CLDN18: variants seen among roughly 807,000 people sequenced by gnomAD.
CLDN18 encodes claudin-18.
In CLDN18, 20 loss-of-function variants were observed where a neutral mutation model predicts 25.0. That is an observed-to-expected ratio of 0.80 (90% CI 0.56 to 1.16). The LOEUF is 1.16. CLDN18 is among the 50% of genes most tolerant of loss of function. CLDN18 has a pLI of 0.00. For synonymous variants in CLDN18, 125 were observed against 135.6 expected, an observed-to-expected ratio of 0.92 and a Z score of 0.54; for missense variants, 297 against 345.4, an observed-to-expected ratio of 0.86 and a Z score of 1.11.
intron 1 of CLDN18, among the ~76,000 whole-genome samples, chr3:138,022,719 A>T (rs1942284822): frequency 6.6e-6 from 1 of 152,214 alleles, no homozygotes; most frequent in Admixed American, 6.5e-5. Flanking sequence ...CACATGAAGG[A>T]CTAATTTGTC....
chr3:138,023,835 C>G lies in CLDN18; in HGVS notation c.385+13C>G. 6.3e-7 allele frequency: 1 copy of G among 1,598,078 alleles called. No homozygotes were observed. Among genetic ancestry groups the G allele is most frequent in the South Asian group, 1.1e-5 (1 of 89,868 alleles). On this transcript the variant is annotated intron_variant, in intron 2 of 4. Transcript: ENST00000183605. ...TTCATTGTCTCAGGTAAACACAGAG[C>G]CTGGAGTTCCCACTTCTGCGAATGT... is the stretch of plus-strand genomic sequence containing the variant.
chr3:138,023,584 A>G (rs1018194869), intron 1 of CLDN18, 74 bp from the exon 2 acceptor site: 1 of 1,493,886 alleles, frequency 6.7e-7, no homozygotes, highest in Non-Finnish European at 9.1e-7. Context: ...GCTTTGTTTT[A>G]TTAAACCACA....
chr3:138,016,157 T>TA (rs1942200691), intron 1 of CLDN18, among the ~76,000 whole-genome samples: 1 of 152,240 alleles, frequency 6.6e-6, no homozygotes, highest in Non-Finnish European at 1.5e-5. Context: ...GCTTTAGGTT[T>TA]AAAAAGTTGA....
At chr3:138,009,186 G>A (rs1942101135), upstream of CLDN18, among the ~76,000 whole-genome samples, 2 of 152,174 alleles carry the variant, frequency 1.3e-5, no homozygotes, top group African/African-American at 2.4e-5. Flanking sequence ...TGTTGTGGAT[G>A]AAGAACCTGT....
rs1031270058 is a variant in CLDN18 at position 138,033,323 on chromosome 3, A to G, written c.*2182A>G. ...TAAAGAAAAAAGAAAAGCAAGGAGGAGGGTTGAGCAATCTAGAGCATGGAG... is the reference window on the plus strand; with the variant it reads ...TAAAGAAAAAAGAAAAGCAAGGAGGGGGGTTGAGCAATCTAGAGCATGGAG... On this transcript the variant is annotated 3_prime_UTR_variant, in exon 5 of 5. Transcript: ENST00000183605. 6.6e-6 allele frequency: 1 copy of G among 152,148 alleles called. No individual in the cohort carries two copies. The highest frequency in any genetic ancestry group is 1.5e-5 in the Non-Finnish European group (1 of 68,038). 9.4% of individuals were successfully genotyped at this position (152,148 alleles called of 1,614,324 possible).
chr3:138,010,830 T>G (rs1409095343), intron 1 of CLDN18, among the ~76,000 whole-genome samples: 2 of 152,202 alleles, frequency 1.3e-5, no homozygotes, highest in Non-Finnish European at 2.9e-5. Context: ...TGCTGAGTAT[T>G]TTGTTATATC....
intron 1 of CLDN18, among the ~76,000 whole-genome samples, chr3:138,017,020 C>T (rs1942213980): frequency 6.6e-6 from 1 of 151,394 alleles, no homozygotes; most frequent in Non-Finnish European, 1.5e-5. Context: ...CGCGCCACTG[C>T]ACTCCAGCCT....
intron 1 of CLDN18, among the ~76,000 whole-genome samples, chr3:138,003,077 C>G (rs1942035544): frequency 6.6e-6 from 1 of 152,100 alleles, no homozygotes; most frequent in Non-Finnish European, 1.5e-5. Flanking sequence ...CAACGTCAGC[C>G]CTATTGACAT....
At chr3:138,011,514 C>T (rs568992703) in intron 1 of CLDN18, among the ~76,000 whole-genome samples, 20 of 151,934 alleles carry the variant, frequency 1.3e-4, no homozygotes, top group Non-Finnish European at 2.4e-4. Flanking sequence ...TGACTGACTC[C>T]GGGGAAAGAC....
chr3:138,033,566 T>C lies in CLDN18; in HGVS notation c.*2425T>C, dbSNP rs1353597054. 1 of 152,234 alleles carries C rather than the reference T, an allele frequency of 6.6e-6. No homozygotes were observed. The highest frequency in any genetic ancestry group is 2.4e-5 in the African/African-American group (1 of 41,456). The allele number at this position is 152,234 out of a possible 1,614,324, so 9.4% of individuals were successfully genotyped here. ...TAGATTGTGCTTTGTAATTTTGTTG[T>C]TGTTGCTCTATCTTATTGTATATGC... On this transcript the variant is annotated 3_prime_UTR_variant, in exon 5 of 5. Coordinates refer to ENST00000183605, the MANE Select transcript of CLDN18 (RefSeq NM_016369.4).
upstream of CLDN18, among the ~76,000 whole-genome samples, chr3:138,008,598 C>T (rs1476742832): frequency 6.9e-6 from 1 of 145,716 alleles, no homozygotes; most frequent in Non-Finnish European, 1.5e-5. Context: ...GTGAGACTCC[C>T]TCTCAAAATA....
chr3:138,018,087 G>A (rs1942229422), intron 1 of CLDN18, among the ~76,000 whole-genome samples: 1 of 152,174 alleles, frequency 6.6e-6, no homozygotes, highest in Non-Finnish European at 1.5e-5. Context: ...CAGAGTTGTA[G>A]TTGCATCTCA....
At chr3:137,999,123 G>T (rs1430948909) in intron 1 of CLDN18, 2 of 1,587,476 alleles carry the variant, frequency 1.3e-6, no homozygotes, top group South Asian at 2.2e-5. Flanking sequence ...TGGAGGGAGA[G>T]ATTGGAGGTG....
chr3:138,024,234 TAA>T (rs928368621), intron 2 of CLDN18, among the ~76,000 whole-genome samples: 34 of 152,002 alleles, frequency 2.2e-4, no homozygotes, highest in African/African-American at 8.0e-4. Context: ...TTCTCAACCC[TAA>T]AAGAGTCATG....
chr3:138,016,274 T>C (rs903091597), intron 1 of CLDN18, among the ~76,000 whole-genome samples: 1 of 152,188 alleles, frequency 6.6e-6, no homozygotes, highest in Non-Finnish European at 1.5e-5. Context: ...TGCATCCTTT[T>C]CCCCTGCCCA....
upstream of CLDN18, among the ~76,000 whole-genome samples, chr3:138,007,078 G>A (rs543313995): frequency 1.7e-4 from 26 of 152,184 alleles, no homozygotes; most frequent in African/African-American, 5.8e-4. Context: ...TCTAACACAT[G>A]TATATGTATT....
intron 1 of CLDN18, among the ~76,000 whole-genome samples, chr3:138,012,822 C>T (rs1463910068): frequency 2.6e-5 from 4 of 152,210 alleles, no homozygotes; most frequent in Non-Finnish European, 5.9e-5. Flanking sequence ...AAAGGCAACA[C>T]ATGTCATGGG....
chr3:138,009,184 A>G (rs1056877906), upstream of CLDN18, among the ~76,000 whole-genome samples: 18 of 152,138 alleles, frequency 1.2e-4, no homozygotes, highest in Admixed American at 3.9e-4. Flanking sequence ...CATGTTGTGG[A>G]TGAAGAACCT....
At position 138,001,443 on chromosome 3, in the gene CLDN18, C is replaced by T. The variant is rs1310021965; in HGVS notation, c.220+2355C>T. 1.1e-4 allele frequency among the ~76,000 whole-genome samples: 16 copies of T among 147,754 alleles called. 1 individual carries two copies. Among genetic ancestry groups the T allele is most frequent in the Admixed American group, 6.8e-4 (10 of 14,666 alleles). On this transcript the variant is annotated intron_variant, in intron 1 of 4. Transcript: ENST00000343735. Reference sequence around the variant, plus strand: ...TTCACTGTGTTAGCCAGGATGGTCTCGATCTCCTGACCTCATGATCCGCCT... The same window carrying T: ...TTCACTGTGTTAGCCAGGATGGTCTTGATCTCCTGACCTCATGATCCGCCT...
Sources: gnomAD v4.1 joint callset for allele counts (sites outside exome capture counted in the v4.1 genomes callset) on GRCh38, gnomAD v4.1.1 for gene constraint, MANE v1.5 for transcripts, NCBI Gene and HGNC (gene_info 2026-07-23, HGNC 2026-07-21) for gene names.